Variants in MPDZ observed in about 807,000 individuals in gnomAD.
The protein encoded by MPDZ is multiple PDZ domain protein.
Under a neutral mutation model 239.1 loss-of-function variants are expected in MPDZ, and 234 were observed. The observed-to-expected ratio is 0.98, with a 90% CI of 0.88 to 1.09. The LOEUF (loss-of-function observed/expected upper bound fraction) is 1.09. Among genes scored for constraint, MPDZ ranks in the 50% least tolerant of loss-of-function variants. The probability of loss-of-function intolerance (pLI) is 0.00; values close to 1 mark genes in which losing one functional copy is unlikely to be tolerated. For synonymous variants in MPDZ, 1,048 were observed against 881.3 expected (o/e 1.19, Z -3.35); for missense variants, 3,175 against 2,510.0 (o/e 1.26, Z -5.66).
chr9:13,245,803 C>T (rs1417965456), intron 3 of MPDZ, among the ~76,000 whole-genome samples: 1 of 152,164 alleles, frequency 6.6e-6, no homozygotes, highest in African/African-American at 2.4e-5. Flanking sequence ...ATTCTACTTC[C>T]ATATGGAAAT....
chr9:13,203,198 A>G (rs181645400), intron 12 of MPDZ, among the ~76,000 whole-genome samples: 3 of 152,202 alleles, frequency 2.0e-5, no homozygotes, highest in African/African-American at 7.2e-5. Flanking sequence ...AATTCAGTAC[A>G]GAGAGAAATA....
At chr9:13,172,632 T>C (rs959870638) in intron 21 of MPDZ, among the ~76,000 whole-genome samples, 2 of 152,014 alleles carry the variant, frequency 1.3e-5, no homozygotes, top group South Asian at 2.1e-4. Context: ...GGTGATCCAC[T>C]CGCCTTAGCC....
intron 1 of MPDZ, among the ~76,000 whole-genome samples, chr9:13,263,007 G>A (rs1463722334): frequency 1.3e-5 from 2 of 151,994 alleles, no homozygotes; most frequent in Non-Finnish European, 2.9e-5. Flanking sequence ...ACTCAATGGG[G>A]GAATTTAGCT....
chr9:13,218,631 C>T (rs1322291300), intron 8 of MPDZ, among the ~76,000 whole-genome samples: 1 of 151,742 alleles, frequency 6.6e-6, no homozygotes, highest in Non-Finnish European at 1.5e-5. Flanking sequence ...TTTTAAAGGG[C>T]TTGTGGAGGA....
In MPDZ at chr9:13,194,610, C is replaced by A. The variant is rs75729666; in HGVS notation, c.1657-1297G>T. 7.2e-3 allele frequency among the ~76,000 whole-genome samples: 1,093 copies of A among 152,098 alleles called. 20 individuals are homozygous for A. The highest frequency in any genetic ancestry group is 0.025 in the African/African-American group (1,053 of 41,500). ...ACCTAATGCATGCAGGCCTTAAAAC[C>A]TAGATGATGGGTTGACAGGTGCAGC... On this transcript the variant is annotated intron_variant, in intron 13 of 46. Coordinates refer to ENST00000319217, the MANE Select transcript of MPDZ (RefSeq NM_001378778.1).
chr9:13,266,618 C>T (rs1031713049), intron 1 of MPDZ, among the ~76,000 whole-genome samples: 1 of 152,154 alleles, frequency 6.6e-6, no homozygotes, highest in Non-Finnish European at 1.5e-5. Flanking sequence ...AAACACATAA[C>T]TTGTTAAGAC....
intron 3 of MPDZ, among the ~76,000 whole-genome samples, chr9:13,247,395 T>C (rs1301423298): frequency 1.3e-5 from 2 of 152,218 alleles, no homozygotes; most frequent in Non-Finnish European, 2.9e-5. Context: ...AAACTCATTC[T>C]TCAGCATCCA....
intron 1 of MPDZ, 131 bp downstream of exon 1, chr9:13,279,269 A>ACCCCCACCCCCGCCCCCG (rs1975062708): frequency 6.7e-5 from 2 of 29,638 alleles, no homozygotes; most frequent in African/African-American, 1.1e-4. Flanking sequence ...CCCCACCCCC[A>ACCCCCACCCCCGCCCCCG]CCCCCATCCC....
intron 1 of MPDZ, among the ~76,000 whole-genome samples, chr9:13,255,471 T>A (rs865999188): frequency 6.6e-5 from 10 of 152,336 alleles, no homozygotes; most frequent in African/African-American, 2.4e-4. Flanking sequence ...AGCAGAGGAA[T>A]CATTAAGTAC....
intron 21 of MPDZ, among the ~76,000 whole-genome samples, chr9:13,170,143 C>T (rs540212037): frequency 1.3e-5 from 2 of 152,054 alleles, no homozygotes; most frequent in East Asian, 3.9e-4. Context: ...ATAAAGCTAC[C>T]AGGGTATTTA....
chr9:13,162,628 G>T, intron 23 of MPDZ, 63 bp downstream of exon 23: 2 of 1,101,794 alleles, frequency 1.8e-6, no homozygotes, highest in South Asian at 1.8e-5. Context: ...CCCTGACTCT[G>T]AATTCCAAAT....
chr9:13,160,338 C>A (rs73406264), intron 23 of MPDZ, among the ~76,000 whole-genome samples: 3,790 of 152,224 alleles, frequency 0.025, 108 homozygotes, highest in South Asian at 0.087. Flanking sequence ...CTATTTTAAG[C>A]ATTCTGATAT....
At chr9:13,235,283 A>G (rs548419030) in intron 3 of MPDZ, among the ~76,000 whole-genome samples, 1 of 152,192 alleles carries the variant, frequency 6.6e-6, no homozygotes, top group African/African-American at 2.4e-5. Context: ...ACTAAATGAG[A>G]CACAAAATGG....
intron 2 of MPDZ, among the ~76,000 whole-genome samples, chr9:13,248,941 C>T (rs1294611727): frequency 8.4e-6 from 1 of 118,518 alleles, no homozygotes; most frequent in East Asian, 2.8e-4. Flanking sequence ...CCACTACACT[C>T]CAGCCTGGGC....
intron 31 of MPDZ, chr9:13,134,258 T>C (rs1332073501): frequency 6.5e-6 from 1 of 153,688 alleles, no homozygotes; most frequent in Non-Finnish European, 1.4e-5. Context: ...TGAAACTCAG[T>C]GACAGAGCAT....
chr9:13,117,569 A>G (rs1010474809), intron 39 of MPDZ, among the ~76,000 whole-genome samples: 1 of 151,840 alleles, frequency 6.6e-6, no homozygotes, highest in African/African-American at 2.4e-5. Context: ...CCTTTCAAAC[A>G]AATACATGTT....
rs976072490 is a variant in MPDZ, at chr9:13,235,812, A to C, written c.184-11229T>G. Among the ~76,000 whole-genome samples, 5 of 152,270 alleles carry C rather than the reference A, an allele frequency of 3.3e-5. No homozygotes were observed. In the South Asian group the frequency reaches 1.0e-3, roughly 32 times the overall value. ...TTGTGCTAAAAAAGTTAAACTGTGA[A>C]CTATAAAATTAAAGACAGAAAGCAA... On this transcript the variant is annotated intron_variant, in intron 3 of 46. Coordinates refer to ENST00000319217, the MANE Select transcript of MPDZ (RefSeq NM_001378778.1).
Position 13,140,094 on chromosome 9 carries a change from G to A in MPDZ, c.3896C>T (p.Pro1299Leu), listed in dbSNP as rs187434398. The part of the protein sequence containing the change: ...PEKAPLCSVP[P>L]PPPSAFAEMG... Reference sequence around the variant, plus strand: ...TTCGGCAAAGGCTGAAGGAGGGGGTGGGGGCACACTGCACAATGGAGCCTT... The same window carrying A: ...TTCGGCAAAGGCTGAAGGAGGGGGTAGGGGCACACTGCACAATGGAGCCTT... The change falls in exon 28 of 47, where the codon CCA becomes CTA. Residue 1299 changes from proline to leucine, a missense_variant. Physicochemically the swap from Pro to Leu is moderately conservative, Grantham distance 98 (BLOSUM62 -3). Transcript: ENST00000319217. 46 of 1,613,448 alleles carry A rather than the reference G, an allele frequency of 2.9e-5. No individual in the cohort carries two copies. In the East Asian group the frequency reaches 9.4e-4, roughly 33 times the overall value.
At chr9:13,146,117 T>C (rs1442210643) in intron 26 of MPDZ, among the ~76,000 whole-genome samples, 1 of 152,048 alleles carries the variant, frequency 6.6e-6, no homozygotes, top group African/African-American at 2.4e-5. Flanking sequence ...ATTTGGCAAA[T>C]TTTCTTTCTG....
Sources: allele counts gnomAD v4.1 joint callset (sites outside exome capture counted in the v4.1 genomes callset), GRCh38; gene constraint gnomAD v4.1.1; transcripts MANE v1.5; gene names NCBI Gene and HGNC (gene_info 2026-07-23, HGNC 2026-07-21).